BOK: variants seen among roughly 807,000 people sequenced by gnomAD.
BOK encodes the protein bcl-2-related ovarian killer protein.
Under a neutral mutation model 18.3 loss-of-function variants are expected in BOK, and 20 were observed. That is an observed-to-expected ratio of 1.09 (90% CI 0.77 to 1.59). The LOEUF is 1.59. Ranked by LOEUF, BOK falls within the 40% of genes most tolerant of loss-of-function variation. The probability of loss-of-function intolerance (pLI) is 0.00; values close to 1 mark genes in which losing one functional copy is unlikely to be tolerated. For missense variants in BOK, 348 were observed against 307.9 expected (o/e 1.13, Z -0.97); for synonymous variants, 173 against 142.4 (o/e 1.21, Z -1.53).
chr2:241,560,027 C>T (rs1258004741), intron 2 of BOK: 3 of 967,402 alleles, frequency 3.1e-6, no homozygotes, highest in Non-Finnish European at 3.7e-6. Context: ...GGCACAGAAA[C>T]CCTTTGTAGG....
At position 241,562,255 on chromosome 2, in the gene BOK, G is replaced by T; in HGVS notation, c.221-93G>T. 6.9e-7 allele frequency: 1 copy of T among 1,452,240 alleles called. No individual in the cohort carries two copies. The highest frequency in any genetic ancestry group is 1.4e-5 in the South Asian group (1 of 73,852). The allele number at this position is 1,452,240 out of a possible 1,614,324, so 90.0% of individuals were successfully genotyped here. ...ACAGGCTGGAATTCAAGCATGGTCA[G>T]GTGGGGGTCAGGTGCAGGGTGTGCC... On this transcript the variant is annotated intron_variant, in intron 2 of 4. Transcript: ENST00000318407. The surrounding 1 kb of genome is among the most constrained non-coding windows in gnomAD (Gnocchi z 4.5).
chr2:241,553,617 G>C (rs924522129), intron 1 of BOK, among the ~76,000 whole-genome samples: 1 of 152,184 alleles, frequency 6.6e-6, no homozygotes, highest in African/African-American at 2.4e-5. Context: ...TGAAGCGGAA[G>C]GTGCCACACG....
At chr2:241,566,654 T>C (rs62191734) in intron 3 of BOK, among the ~76,000 whole-genome samples, 41,967 of 148,714 alleles carry the variant, frequency 0.28, 6,397 homozygotes, top group East Asian at 0.46. Flanking sequence ...TTCCCGTGTC[T>C]TTCAAAGTAA....
At chr2:241,563,150 G>A (rs1177405648) in intron 3 of BOK, among the ~76,000 whole-genome samples, 1 of 152,186 alleles carries the variant, frequency 6.6e-6, no homozygotes, top group Non-Finnish European at 1.5e-5. Flanking sequence ...TCCTGGCCCT[G>A]CCTCCCTGCT....
At chr2:241,564,563 C>T (rs1234908097) in intron 3 of BOK, among the ~76,000 whole-genome samples, 5 of 144,560 alleles carry the variant, frequency 3.5e-5, no homozygotes, top group Non-Finnish European at 7.6e-5. Flanking sequence ...TGGTGTGGCT[C>T]AGGGGCCGGG....
At chr2:241,564,768 A>G (rs1354196896) in intron 3 of BOK, among the ~76,000 whole-genome samples, 2 of 151,748 alleles carry the variant, frequency 1.3e-5, no homozygotes, top group African/African-American at 2.4e-5. Context: ...CCCTTGGCCG[A>G]CGCCGGCGCG....
In BOK at chr2:241,558,763, C is replaced by G. The variant is rs2066475929; in HGVS notation, c.-260C>G. The G allele has an allele frequency of 6.6e-6, 1 of 152,296 alleles. No individual in the cohort carries two copies. Among genetic ancestry groups the G allele is most frequent in the African/African-American group, 2.4e-5 (1 of 41,464 alleles). 9.4% of individuals were successfully genotyped at this position (152,296 alleles called of 1,614,324 possible). A position where few individuals can be genotyped will look rare whatever the true frequency, so the allele number is the denominator to read the frequency against. On this transcript the variant is annotated 5_prime_UTR_variant, in exon 1 of 5. Coordinates refer to ENST00000318407, the MANE Select transcript of BOK (RefSeq NM_032515.5). ...GCCCAGCCTCTCGCCAGCTGGGAGT[C>G]GCGCGCTGCCCACCTCGCTGCCCAG...
intron 1 of BOK, chr2:241,551,520 G>A (rs150813670): frequency 0.013 from 2,041 of 152,386 alleles, 18 homozygotes; most frequent in Non-Finnish European, 0.022. Context: ...AGACATTCTG[G>A]GCCACGAGAC....
chr2:241,552,368 G>A (rs1215910030), intron 1 of BOK, among the ~76,000 whole-genome samples: 1 of 152,138 alleles, frequency 6.6e-6, no homozygotes, highest in African/African-American at 2.4e-5. Context: ...CCTGCGAGCC[G>A]CTTGTGTTCG....
At chr2:241,565,746 C>G (rs1198836137) in intron 3 of BOK, among the ~76,000 whole-genome samples, 1 of 152,178 alleles carries the variant, frequency 6.6e-6, no homozygotes, top group Non-Finnish European at 1.5e-5. Flanking sequence ...TCCAAGTCTC[C>G]AGCCCCAGGA....
upstream of BOK, among the ~76,000 whole-genome samples, chr2:241,557,760 G>A (rs561783456): frequency 3.5e-4 from 53 of 152,174 alleles, no homozygotes; most frequent in African/African-American, 1.1e-3. Flanking sequence ...TGATTATTTA[G>A]AAGTGTGACA....
intron 1 of BOK, 68 bp from the exon 2 acceptor site, chr2:241,559,387 C>A: frequency 9.5e-7 from 1 of 1,051,598 alleles, no homozygotes; most frequent in Non-Finnish European, 1.2e-6. Flanking sequence ...CCACGCCCAG[C>A]CCGGCGCCCC....
upstream of BOK, among the ~76,000 whole-genome samples, chr2:241,553,747 C>T (rs1035058917): frequency 3.9e-5 from 6 of 152,204 alleles, no homozygotes; most frequent in African/African-American, 7.2e-5. Flanking sequence ...TACAATTTGA[C>T]GGGAGATTTG....
chr2:241,561,272 C>T (rs1341049443), intron 2 of BOK, among the ~76,000 whole-genome samples: 2 of 152,266 alleles, frequency 1.3e-5, no homozygotes, highest in African/African-American at 2.4e-5. Flanking sequence ...CGTGCCTGTG[C>T]GCTGCTGCTG....
chr2:241,565,574 C>T (rs74581455), intron 3 of BOK, among the ~76,000 whole-genome samples: 1 of 152,008 alleles, frequency 6.6e-6, no homozygotes, highest in African/African-American at 2.4e-5. Flanking sequence ...CTCTGACCCC[C>T]GGTCTTCCTC....
chr2:241,552,410 C>G (rs10192061), intron 1 of BOK, among the ~76,000 whole-genome samples: 2 of 152,108 alleles, frequency 1.3e-5, no homozygotes, highest in Admixed American at 6.6e-5. Context: ...CTCTCCACGC[C>G]GCGCCATGCC....
intron 1 of BOK, among the ~76,000 whole-genome samples, chr2:241,553,316 A>C (rs952925882): frequency 6.6e-6 from 1 of 151,942 alleles, no homozygotes; most frequent in Non-Finnish European, 1.5e-5. Context: ...ACACCCAGCT[A>C]ATTTTTTGTA....
chr2:241,562,216 C>A lies in BOK; in HGVS notation c.221-132C>A. 8.2e-7 allele frequency: 1 copy of A among 1,221,496 alleles called. No individual in the cohort carries two copies. The highest frequency in any genetic ancestry group is 1.1e-6 in the Non-Finnish European group (1 of 900,554). 75.7% of individuals were successfully genotyped at this position (1,221,496 alleles called of 1,614,324 possible). The stretch of plus-strand genomic sequence containing the variant: ...GATGGGGTCAAGTGGAGGTGGGAAT[C>A]AGACAAGTGAGGAACAGGCTGGAAT... On this transcript the variant is annotated intron_variant, in intron 2 of 4. Coordinates refer to ENST00000318407, the MANE Select transcript of BOK (RefSeq NM_032515.5). This position sits in a 1 kb window ranked among gnomAD's most constrained non-coding sequence, Gnocchi z 4.5.
upstream of BOK, among the ~76,000 whole-genome samples, chr2:241,557,227 T>G (rs1001509181): frequency 4.6e-5 from 7 of 152,110 alleles, no homozygotes; most frequent in Non-Finnish European, 1.5e-5. Context: ...ATTTTTATTA[T>G]TTCCTTTCAT....
Sources: gnomAD v4.1 joint callset for allele counts (sites outside exome capture counted in the v4.1 genomes callset) on GRCh38, gnomAD v4.1.1 for gene constraint, Gnocchi (gnomAD v3.1) non-coding constraint, MANE v1.5 for transcripts, NCBI Gene and HGNC (gene_info 2026-07-23, HGNC 2026-07-21) for gene names.